The following TCF7L2 variants were observed in gnomAD, a reference collection of about 807,000 sequenced individuals.
TCF7L2 encodes the protein transcription factor 7-like 2.
Under a neutral mutation model 77.9 loss-of-function variants are expected in TCF7L2, and 23 were observed. That is an observed-to-expected ratio of 0.30 (90% CI 0.21 to 0.42). The LOEUF (loss-of-function observed/expected upper bound fraction) is 0.42, where lower values mean the gene tolerates loss of function less well. Ranked by LOEUF, TCF7L2 falls within the 10% of genes least tolerant of loss-of-function variation. The pLI, the probability that TCF7L2 is intolerant of heterozygous loss-of-function variation, is 1.00. For missense variants in TCF7L2, 654 were observed against 793.1 expected, an observed-to-expected ratio of 0.82 and a Z score of 2.11; for synonymous variants, 413 against 340.2, an observed-to-expected ratio of 1.21 and a Z score of -2.36.
chr10:113,064,579 G>A (rs2056986352), intron 5 of TCF7L2, among the ~76,000 whole-genome samples: 2 of 152,234 alleles, frequency 1.3e-5, no homozygotes, highest in Non-Finnish European at 2.9e-5. Flanking sequence ...TGCTGCTGGT[G>A]AAGGTACTAC....
At chr10:113,007,130 T>G (rs2045692240) in intron 4 of TCF7L2, among the ~76,000 whole-genome samples, 1 of 152,238 alleles carries the variant, frequency 6.6e-6, no homozygotes, top group African/African-American at 2.4e-5. Flanking sequence ...AGCCCAAGTT[T>G]GTTGGATGAT....
In TCF7L2 at chr10:113,165,606, C is replaced by T. The variant is rs749243994; in HGVS notation, c.1443C>T (p.Ser481=). The change falls in exon 14 of 14, where the codon AGC becomes AGT. Residue 481 remains serine, a synonymous_variant. Transcript: ENST00000627217. ...TACAAGGTGAAGGCAGCTGCCTCAG[C>T]CCACCCTCTTCAGATGGAAGCTTAC... 12 of 1,613,928 alleles carry T rather than the reference C, an allele frequency of 7.4e-6. No homozygotes were observed. In the Admixed American group the frequency reaches 1.7e-4, roughly 22 times the overall value.
At chr10:113,011,963 G>GATTGCTCTTGAGCTTTACCGCCTCAAGT (rs930310235) in intron 4 of TCF7L2, among the ~76,000 whole-genome samples, 1 of 151,830 alleles carries the variant, frequency 6.6e-6, no homozygotes, top group Non-Finnish European at 1.5e-5. Context: ...CTACCTCAAG[G>GATTGCTCTTGAGCTTTACCGCCTCAAGT]ATTGCTCTTG....
In TCF7L2 at chr10:113,141,189, C is replaced by T. The variant is rs765397861; in HGVS notation, c.558C>T (p.Asn186=). The T allele has an allele frequency of 6.2e-7, 1 of 1,614,090 alleles. No individual in the cohort carries two copies. Among genetic ancestry groups the T allele is most frequent in the Non-Finnish European group, 8.5e-7 (1 of 1,179,986 alleles). ...CTCTGTTCTCCTCCCCACAGTCTAACAAAGTGCCAGTGGTGCAGCACCCTC... is the reference window on the plus strand; with the variant it reads ...CTCTGTTCTCCTCCCCACAGTCTAATAAAGTGCCAGTGGTGCAGCACCCTC... Residue 186 remains asparagine (N), a synonymous_variant, in exon 6 of 14, where the codon AAC becomes AAT. Coordinates refer to ENST00000627217, the MANE Select transcript of TCF7L2 (RefSeq NM_001146274.2).
chr10:112,979,320 T>A (rs1036098667), intron 4 of TCF7L2, among the ~76,000 whole-genome samples: 9 of 152,180 alleles, frequency 5.9e-5, no homozygotes, highest in Admixed American at 3.9e-4. Context: ...TTTCTGTAAC[T>A]GGGGACAGTT....
chr10:113,037,227 G>A (rs1005988475), intron 4 of TCF7L2, among the ~76,000 whole-genome samples: 4 of 152,088 alleles, frequency 2.6e-5, no homozygotes, highest in Non-Finnish European at 4.4e-5. Context: ...TCCCCAAAAG[G>A]CACTTCATCA....
At chr10:113,117,893 C>G (rs1201988638) in intron 5 of TCF7L2, among the ~76,000 whole-genome samples, 1 of 152,196 alleles carries the variant, frequency 6.6e-6, no homozygotes, top group Non-Finnish European at 1.5e-5. Context: ...GGGCAGGCAC[C>G]GAAGTTGCGT....
At chr10:113,109,535 C>T (rs1458727261) in intron 5 of TCF7L2, among the ~76,000 whole-genome samples, 1 of 152,170 alleles carries the variant, frequency 6.6e-6, no homozygotes, top group Non-Finnish European at 1.5e-5. Flanking sequence ...GGATTACAGG[C>T]TCCTGCCACC....
At chr10:113,026,233 C>G (rs879944726) in intron 4 of TCF7L2, among the ~76,000 whole-genome samples, 3 of 152,052 alleles carry the variant, frequency 2.0e-5, no homozygotes, top group Non-Finnish European at 4.4e-5. Context: ...CTCACTGCAA[C>G]CTCTGCCTCC....
intron 3 of TCF7L2, among the ~76,000 whole-genome samples, chr10:112,954,296 G>A (rs1012410921): frequency 6.6e-6 from 1 of 152,118 alleles, no homozygotes; most frequent in Non-Finnish European, 1.5e-5. Flanking sequence ...TACTTATGGT[G>A]TACCTGTAAG....
At position 113,166,189 on chromosome 10, in the gene TCF7L2, G is replaced by T; in HGVS notation, c.*217G>T. On this transcript the variant is annotated 3_prime_UTR_variant, in exon 14 of 14. Transcript: ENST00000627217. ...TATGTAGATGAGAGAAGAACCTCAT[G>T]ATTCTACCAAAATTTTTATCAACAG... is the stretch of plus-strand genomic sequence containing the variant. 1 of 413,326 alleles carries T rather than the reference G, an allele frequency of 2.4e-6. No homozygotes were observed. The highest frequency in any genetic ancestry group is 3.7e-5 in the East Asian group (1 of 26,818). The allele number at this position is 413,326 out of a possible 1,614,324, so 25.6% of individuals were successfully genotyped here. A position where few individuals can be genotyped will look rare whatever the true frequency, so the allele number is the denominator to read the frequency against.
At chr10:113,016,178 C>T (rs2133758922) in intron 4 of TCF7L2, among the ~76,000 whole-genome samples, 1 of 152,030 alleles carries the variant, frequency 6.6e-6, no homozygotes, top group South Asian at 2.1e-4. Flanking sequence ...GATTCTCCTG[C>T]CTTAGCCTCC....
intron 4 of TCF7L2, among the ~76,000 whole-genome samples, chr10:113,026,216 G>C (rs1407900285): frequency 1.5e-5 from 2 of 137,878 alleles, no homozygotes; most frequent in African/African-American, 5.5e-5. Flanking sequence ...AAGTGGCACA[G>C]TCTCGGCTCA....
chr10:112,960,005 G>A (rs987523072), intron 3 of TCF7L2, among the ~76,000 whole-genome samples: 15 of 151,494 alleles, frequency 9.9e-5, no homozygotes, highest in African/African-American at 3.4e-4. Context: ...ATATAGATAA[G>A]AGAAAGCCAG....
intron 3 of TCF7L2, among the ~76,000 whole-genome samples, chr10:112,963,170 C>T (rs1202626381): frequency 1.3e-5 from 2 of 152,068 alleles, no homozygotes; most frequent in Non-Finnish European, 1.5e-5. Context: ...CCCACTGCAT[C>T]CTAAAATGGA....
intron 11 of TCF7L2, among the ~76,000 whole-genome samples, chr10:113,155,641 G>A (rs140961105): frequency 9.3e-4 from 142 of 152,340 alleles, no homozygotes; most frequent in African/African-American, 3.4e-3. Context: ...TGGAAACGGG[G>A]ATGCTTTTTC....
chr10:113,076,202 A>G (rs1262565934), intron 5 of TCF7L2, among the ~76,000 whole-genome samples: 1 of 150,552 alleles, frequency 6.6e-6, no homozygotes, highest in Non-Finnish European at 1.5e-5. Context: ...TACTGACTTG[A>G]TCATAGCTCA....
At chr10:113,048,063 G>A (rs972495453) in intron 5 of TCF7L2, among the ~76,000 whole-genome samples, 3 of 152,164 alleles carry the variant, frequency 2.0e-5, no homozygotes, top group African/African-American at 7.2e-5. Flanking sequence ...GGGCTTGGAG[G>A]CCTTCCCTAG....
intron 5 of TCF7L2, among the ~76,000 whole-genome samples, chr10:113,107,334 TCCCTCCCCTCACC>T (rs1254666708): frequency 2.0e-5 from 3 of 151,970 alleles, no homozygotes; most frequent in Non-Finnish European, 4.4e-5. Flanking sequence ...AACTCTGTAG[TCCCTCCCCTCACC>T]CCCTTCCCCT....
Sources: gnomAD v4.1 joint callset for allele counts (sites outside exome capture counted in the v4.1 genomes callset) on GRCh38, gnomAD v4.1.1 for gene constraint, MANE v1.5 for transcripts, NCBI Gene and HGNC (gene_info 2026-07-23, HGNC 2026-07-21) for gene names.